SCHIP1: variants seen among roughly 807,000 people sequenced by gnomAD.
SCHIP1 encodes schwannomin-interacting protein 1.
SCHIP1 carries 8 observed loss-of-function variants against 29.7 expected under a neutral mutation model. That is an observed-to-expected ratio of 0.27 (90% CI 0.16 to 0.49). The LOEUF (loss-of-function observed/expected upper bound fraction) is 0.49. SCHIP1 is among the 20% of genes least tolerant of loss of function. SCHIP1 has a pLI of 0.99. For synonymous variants in SCHIP1, 76 were observed against 94.9 expected, an observed-to-expected ratio of 0.80 and a Z score of 1.16; for missense variants, 193 against 294.6, an observed-to-expected ratio of 0.66 and a Z score of 2.52.
the SCHIP1 span, among the ~76,000 whole-genome samples, chr3:159,542,341 A>G: frequency 6.6e-6 from 1 of 152,100 alleles, no homozygotes; most frequent in South Asian, 2.1e-4. Flanking sequence ...TCTCATTGCC[A>G]CCAAAAATCT....
the SCHIP1 span, among the ~76,000 whole-genome samples, chr3:159,339,120 A>G: frequency 6.6e-6 from 1 of 152,078 alleles, no homozygotes; most frequent in African/African-American, 2.4e-5. Context: ...AGCCATCTCC[A>G]GGTTTTCATC....
chr3:159,599,922 C>G, the SCHIP1 span, among the ~76,000 whole-genome samples: 3 of 152,134 alleles, frequency 2.0e-5, no homozygotes, highest in East Asian at 1.9e-4. Flanking sequence ...AACAAATTTC[C>G]TTAGCATTTT....
the SCHIP1 span, among the ~76,000 whole-genome samples, chr3:159,640,272 G>A: frequency 1.3e-5 from 2 of 152,112 alleles, no homozygotes; most frequent in African/African-American, 4.8e-5. Context: ...AGTTATCTGA[G>A]CTATGAGGTA....
chr3:159,679,002 A>T, the SCHIP1 span, among the ~76,000 whole-genome samples: 1 of 152,208 alleles, frequency 6.6e-6, no homozygotes, highest in Non-Finnish European at 1.5e-5. Context: ...TTGGCTGGGG[A>T]CCCAGAGCCA....
At chr3:159,600,593 T>C in the SCHIP1 span, among the ~76,000 whole-genome samples, 1 of 152,234 alleles carries the variant, frequency 6.6e-6, no homozygotes, top group African/African-American at 2.4e-5. Context: ...CCCAATTTTT[T>C]GTATTTTTTT....
the SCHIP1 span, among the ~76,000 whole-genome samples, chr3:159,789,839 T>G: frequency 6.6e-6 from 1 of 152,184 alleles, no homozygotes; most frequent in African/African-American, 2.4e-5. Context: ...CAATGCCAAT[T>G]TATTGATTTA....
At chr3:159,561,933 G>C in the SCHIP1 span, among the ~76,000 whole-genome samples, 3 of 152,076 alleles carry the variant, frequency 2.0e-5, no homozygotes, top group African/African-American at 4.8e-5. Flanking sequence ...TGTTTCCTTA[G>C]AGTAAACTTG....
At chr3:159,280,112 G>T in the SCHIP1 span, among the ~76,000 whole-genome samples, 1 of 151,916 alleles carries the variant, frequency 6.6e-6, no homozygotes, top group African/African-American at 2.4e-5. Context: ...TTATGAGAGG[G>T]TCTCAGATAA....
Position 159,862,167 on chromosome 3 carries a change from T to A in SCHIP1, c.31-3996T>A, listed in dbSNP as rs184300970. Among the ~76,000 whole-genome samples the A allele has an allele frequency of 1.3e-3, 191 of 152,318 alleles. 1 individual carries two copies. The highest frequency in any genetic ancestry group is 4.5e-3 in the African/African-American group (186 of 41,570). Reference sequence around the variant, plus strand: ...TGTTTTCTCTTTTTCTGAGAAAACATCACATCCATCTCAGGGAAGAAGTAG... The same window carrying A: ...TGTTTTCTCTTTTTCTGAGAAAACAACACATCCATCTCAGGGAAGAAGTAG... On this transcript the variant is annotated intron_variant, in intron 1 of 6. Transcript: ENST00000445224.
At chr3:159,717,757 A>G in the SCHIP1 span, among the ~76,000 whole-genome samples, 1 of 152,154 alleles carries the variant, frequency 6.6e-6, no homozygotes, top group Non-Finnish European at 1.5e-5. Flanking sequence ...CAACCAAAAA[A>G]AGTCCAGGAC....
the SCHIP1 span, among the ~76,000 whole-genome samples, chr3:159,409,166 C>A: frequency 1.3e-5 from 2 of 152,106 alleles, no homozygotes; most frequent in Admixed American, 6.6e-5. Context: ...ATATGACAAA[C>A]CCACAGCTAG....
chr3:159,684,389 C>G, the SCHIP1 span, among the ~76,000 whole-genome samples: 1 of 152,128 alleles, frequency 6.6e-6, no homozygotes, highest in Non-Finnish European at 1.5e-5. Flanking sequence ...CTCACTGTGG[C>G]CAGGTGTAAT....
chr3:159,652,382 G>A, the SCHIP1 span, among the ~76,000 whole-genome samples: 1 of 152,052 alleles, frequency 6.6e-6, no homozygotes, highest in Non-Finnish European at 1.5e-5. Context: ...TAAAGTAGAA[G>A]GGAATAAAAC....
the SCHIP1 span, among the ~76,000 whole-genome samples, chr3:159,642,128 G>A: frequency 5.3e-5 from 8 of 152,026 alleles, no homozygotes; most frequent in East Asian, 7.7e-4. Flanking sequence ...ACAAAGCACC[G>A]CAAAAATTAC....
the SCHIP1 span, among the ~76,000 whole-genome samples, chr3:159,533,916 A>C: frequency 6.6e-6 from 1 of 152,158 alleles, no homozygotes. Flanking sequence ...TTTAAACAAA[A>C]CTTTGTGATT....
chr3:159,618,219 G>T, the SCHIP1 span, among the ~76,000 whole-genome samples: 24 of 152,156 alleles, frequency 1.6e-4, no homozygotes, highest in Non-Finnish European at 3.2e-4. Context: ...CACTGGAGAT[G>T]CTCTATATGG....
the SCHIP1 span, among the ~76,000 whole-genome samples, chr3:159,443,742 C>T: frequency 9.1e-3 from 1,380 of 152,232 alleles, 25 homozygotes; most frequent in African/African-American, 0.031. Flanking sequence ...CTCTTGACCT[C>T]GTGATCTGCC....
At chr3:159,762,620 C>G in the SCHIP1 span, among the ~76,000 whole-genome samples, 1 of 152,224 alleles carries the variant, frequency 6.6e-6, no homozygotes, top group African/African-American at 2.4e-5. Context: ...ATATTTTTCA[C>G]AATCACCACA....
At chr3:159,717,117 G>C in the SCHIP1 span, among the ~76,000 whole-genome samples, 18 of 152,312 alleles carry the variant, frequency 1.2e-4, no homozygotes, top group Admixed American at 2.0e-4. Context: ...TGAACAACCT[G>C]CTCCTGAATG....
Sources: allele counts gnomAD v4.1 joint callset (sites outside exome capture counted in the v4.1 genomes callset), GRCh38; gene constraint gnomAD v4.1.1; transcripts MANE v1.5; gene names NCBI Gene and HGNC (gene_info 2026-07-23, HGNC 2026-07-21).